The following TAFA2 variants were observed in gnomAD, a reference collection of about 807,000 sequenced individuals.
The protein encoded by TAFA2 is TAFA chemokine like family member 2.
A neutral mutation model predicts 18.8 loss-of-function variants in TAFA2; 7 were observed. The ratio of observed to expected loss-of-function variants is 0.37; its 90% CI spans 0.21 to 0.70. The LOEUF is 0.70. Among genes scored for constraint, TAFA2 ranks in the 30% least tolerant of loss-of-function variants. TAFA2 has a pLI of 0.53. For synonymous variants in TAFA2, 60 were observed against 54.2 expected (o/e 1.11, Z -0.47); for missense variants, 122 against 158.1 (o/e 0.77, Z 1.23).
intron 1 of TAFA2, chr12:62,135,778 A>T (rs1402558518): frequency 6.6e-6 from 1 of 152,104 alleles, no homozygotes; most frequent in East Asian, 1.9e-4. Flanking sequence ...AAATCATATT[A>T]TGCAAAATGT....
intron 2 of TAFA2, among the ~76,000 whole-genome samples, chr12:61,770,308 A>G (rs1158791607): frequency 6.6e-6 from 1 of 152,188 alleles, no homozygotes; most frequent in East Asian, 1.9e-4. Context: ...TTTGGAAAAC[A>G]TATTTGAGAA....
At chr12:62,085,128 C>T (rs1446864002) in intron 1 of TAFA2, among the ~76,000 whole-genome samples, 1 of 152,104 alleles carries the variant, frequency 6.6e-6, no homozygotes, top group Admixed American at 6.6e-5. Context: ...ATTAATTTTA[C>T]TTTGTTGCTT....
At chr12:62,082,994 C>G (rs1036163180) in intron 1 of TAFA2, among the ~76,000 whole-genome samples, 5 of 151,922 alleles carry the variant, frequency 3.3e-5, no homozygotes, top group African/African-American at 1.2e-4. Context: ...GATGAGGAAA[C>G]CAAGGCAAAA....
intron 1 of TAFA2, among the ~76,000 whole-genome samples, chr12:62,127,968 T>C (rs1481576171): frequency 6.6e-6 from 1 of 151,934 alleles, no homozygotes; most frequent in Non-Finnish European, 1.5e-5. Flanking sequence ...GGGGAACACA[T>C]TTGAGGGTAT....
intron 1 of TAFA2, among the ~76,000 whole-genome samples, chr12:61,903,749 G>A (rs886302163): frequency 2.0e-5 from 3 of 152,094 alleles, no homozygotes; most frequent in African/African-American, 7.2e-5. Context: ...AAATTCTACA[G>A]TTTTTTTGTA....
chr12:62,181,994 C>CCT (rs1555196473), intron 1 of TAFA2, among the ~76,000 whole-genome samples: 1 of 149,312 alleles, frequency 6.7e-6, no homozygotes, highest in Non-Finnish European at 1.5e-5. Context: ...AGTCCATCCC[C>CCT]CCCCCGCTAC....
chr12:61,975,601 C>T (rs1028749866), intron 1 of TAFA2, among the ~76,000 whole-genome samples: 2 of 148,900 alleles, frequency 1.3e-5, no homozygotes. Flanking sequence ...TTTCCATAGC[C>T]TGGCTATTGT....
At chr12:61,782,455 T>C (rs1260139336) in intron 2 of TAFA2, among the ~76,000 whole-genome samples, 2 of 151,844 alleles carry the variant, frequency 1.3e-5, no homozygotes, top group African/African-American at 4.8e-5. Context: ...GACTTCCAGT[T>C]GTGCCACCTT....
chr12:62,053,489 A>G (rs146372662), intron 1 of TAFA2, among the ~76,000 whole-genome samples: 1 of 152,370 alleles, frequency 6.6e-6, no homozygotes, highest in East Asian at 1.9e-4. Context: ...TAACTTTGAA[A>G]TAACACCAAC....
At chr12:61,787,710 A>C (rs552428225) in intron 2 of TAFA2, among the ~76,000 whole-genome samples, 2 of 151,724 alleles carry the variant, frequency 1.3e-5, no homozygotes, top group Non-Finnish European at 3.0e-5. Flanking sequence ...ACACACAAAT[A>C]AGAAAAAGGA....
chr12:62,255,791 T>C (rs1250973832), intron 1 of TAFA2, among the ~76,000 whole-genome samples: 1 of 152,034 alleles, frequency 6.6e-6, no homozygotes, highest in African/African-American at 2.4e-5. Context: ...GAGGCGAAGG[T>C]TGCAGTGAGC....
intron 1 of TAFA2, among the ~76,000 whole-genome samples, chr12:62,012,167 TAAG>T (rs925493280): frequency 3.3e-5 from 5 of 152,290 alleles, no homozygotes; most frequent in East Asian, 1.9e-4. Context: ...TTAGTGGTGA[TAAG>T]AAGAACTCCA....
At chr12:61,974,763 T>C (rs985330112) in intron 1 of TAFA2, among the ~76,000 whole-genome samples, 3 of 151,756 alleles carry the variant, frequency 2.0e-5, no homozygotes, top group Non-Finnish European at 4.4e-5. Flanking sequence ...TCAGTTTCCT[T>C]TGGTAGAAAA....
At chr12:61,978,740 A>G (rs1259546873) in intron 1 of TAFA2, among the ~76,000 whole-genome samples, 1 of 152,114 alleles carries the variant, frequency 6.6e-6, no homozygotes, top group African/African-American at 2.4e-5. Flanking sequence ...CAAGAAATTG[A>G]CATTTGACAA....
intron 1 of TAFA2, among the ~76,000 whole-genome samples, chr12:62,155,538 T>C (rs1455661080): frequency 6.6e-6 from 1 of 152,050 alleles, no homozygotes; most frequent in East Asian, 1.9e-4. Context: ...CTACCTGACT[T>C]CAAACTATAC....
chr12:61,976,792 C>A (rs549852616), intron 1 of TAFA2, among the ~76,000 whole-genome samples: 1 of 151,984 alleles, frequency 6.6e-6, no homozygotes, highest in Non-Finnish European at 1.5e-5. Context: ...TCTGTCCTTG[C>A]GATAGTTTGC....
At chr12:62,041,147 A>G (rs1289552409) in intron 1 of TAFA2, among the ~76,000 whole-genome samples, 1 of 152,194 alleles carries the variant, frequency 6.6e-6, no homozygotes, top group Admixed American at 6.5e-5. Flanking sequence ...GTGAAATTAT[A>G]AGCCTGCAGG....
chr12:62,082,954 A>G (rs577210311), intron 1 of TAFA2, among the ~76,000 whole-genome samples: 4 of 152,096 alleles, frequency 2.6e-5, no homozygotes, highest in South Asian at 2.1e-4. Context: ...TCCCTTTGAG[A>G]GTAGGTGCTA....
Position 62,191,535 on chromosome 12 carries a change from C to T in TAFA2, c.-278G>A, listed in dbSNP as rs1429520542. On this transcript the variant is annotated 5_prime_UTR_variant, in exon 1 of 5. Transcript: ENST00000416284. The stretch of plus-strand genomic sequence containing the variant: ...ATCTGACATCCAAGCTGGAATCCCC[C>T]TGAAGCGGGTGAAGGTGAGCCTGAT... 1 of 152,278 alleles carries T rather than the reference C, an allele frequency of 6.6e-6. No homozygotes were observed. Among genetic ancestry groups the T allele is most frequent in the Non-Finnish European group, 1.5e-5 (1 of 68,078 alleles). 9.4% of individuals were successfully genotyped at this position (152,278 alleles called of 1,614,324 possible).
Sources: allele counts gnomAD v4.1 joint callset (sites outside exome capture counted in the v4.1 genomes callset), GRCh38; gene constraint gnomAD v4.1.1; transcripts MANE v1.5; gene names NCBI Gene and HGNC (gene_info 2026-07-23, HGNC 2026-07-21).